The following DPP6 variants were observed in gnomAD, a reference collection of about 807,000 sequenced individuals.
DPP6 encodes dipeptidyl peptidase like 6.
In DPP6, 69 loss-of-function variants were observed where a neutral mutation model predicts 122.6. The observed-to-expected ratio is 0.56, with a 90% confidence interval of 0.46 to 0.69. The LOEUF (loss-of-function observed/expected upper bound fraction) is 0.69. Among genes scored for constraint, DPP6 ranks in the 30% least tolerant of loss-of-function variants. The pLI is 0.00. For synonymous variants in DPP6, 418 were observed against 433.1 expected, an observed-to-expected ratio of 0.97 and a Z score of 0.43; for missense variants, 928 against 1,116.9, an observed-to-expected ratio of 0.83 and a Z score of 2.41.
intron 17 of DPP6, among the ~76,000 whole-genome samples, chr7:154,857,394 C>G (rs1004264333): frequency 6.6e-6 from 1 of 152,166 alleles, no homozygotes; most frequent in African/African-American, 2.4e-5. Context: ...CATAGCTGCA[C>G]GAATGGCTTT....
chr7:154,682,474 C>T (rs930289142), intron 7 of DPP6, among the ~76,000 whole-genome samples: 7 of 152,206 alleles, frequency 4.6e-5, no homozygotes, highest in Non-Finnish European at 7.3e-5. Context: ...ACGCACTCTC[C>T]GGTTTGAAAT....
the DPP6 span, among the ~76,000 whole-genome samples, chr7:153,792,099 C>T: frequency 6.6e-6 from 1 of 152,228 alleles, no homozygotes; most frequent in Admixed American, 6.5e-5. Context: ...ACATACTACT[C>T]TTATTTATAA....
intron 1 of DPP6, among the ~76,000 whole-genome samples, chr7:153,906,678 T>C (rs10261158): frequency 0.81 from 123,085 of 152,196 alleles, 49,780 homozygotes; most frequent in Admixed American, 0.85. Flanking sequence ...TCTCAAACTC[T>C]CAGACTCAAG....
At chr7:154,004,318 G>C (rs1035380460) in intron 1 of DPP6, among the ~76,000 whole-genome samples, 2 of 152,226 alleles carry the variant, frequency 1.3e-5, no homozygotes, top group African/African-American at 4.8e-5. Flanking sequence ...TGGAGCCATA[G>C]GGGTGAGGAG....
chr7:154,153,164 G>A (rs113186139), intron 1 of DPP6, among the ~76,000 whole-genome samples: 3 of 152,180 alleles, frequency 2.0e-5, no homozygotes, highest in Non-Finnish European at 4.4e-5. Context: ...ACTCCCTGCC[G>A]CTTATACAAG....
intron 1 of DPP6, among the ~76,000 whole-genome samples, chr7:154,336,785 G>A (rs1046765303): frequency 6.6e-6 from 1 of 152,120 alleles, no homozygotes; most frequent in African/African-American, 2.4e-5. Flanking sequence ...GGAAGTGGTC[G>A]GAGTGGGGAA....
chr7:154,448,735 A>G (rs1271585804), intron 2 of DPP6, among the ~76,000 whole-genome samples: 2 of 152,226 alleles, frequency 1.3e-5, no homozygotes, highest in Non-Finnish European at 2.9e-5. Context: ...GGATCAATGG[A>G]ATAGAATTGA....
At chr7:154,547,549 G>A (rs1829295834) in intron 4 of DPP6, among the ~76,000 whole-genome samples, 1 of 152,160 alleles carries the variant, frequency 6.6e-6, no homozygotes, top group Non-Finnish European at 1.5e-5. Flanking sequence ...TAACCAGACT[G>A]GTCTCTGAGT....
In DPP6 at chr7:154,608,334, TA is replaced by T. The variant is rs1386194863; in HGVS notation, c.628-29486del. On this transcript the variant is annotated intron_variant, in intron 5 of 25. Transcript: ENST00000377770. Reference sequence around the variant, plus strand: ...TTAGGAGTGATCATATATATATATATATATATATTTTGAGATGGAATCTCGC... The same window carrying T: ...TTAGGAGTGATCATATATATATATATTATATATTTTGAGATGGAATCTCGC... 5.7e-5 allele frequency among the ~76,000 whole-genome samples: 7 copies of T among 122,312 alleles called. 1 individual carries two copies. Among genetic ancestry groups the T allele is most frequent in the African/African-American group, 1.8e-4 (6 of 33,618 alleles). 80.2% of individuals were successfully genotyped at this position (122,312 alleles called of 152,430 possible).
chr7:154,782,109 T>C (rs1797063872), intron 10 of DPP6, among the ~76,000 whole-genome samples: 1 of 152,134 alleles, frequency 6.6e-6, no homozygotes, highest in Non-Finnish European at 1.5e-5. Flanking sequence ...TGTGCTGAAG[T>C]TAGTGGCTTG....
At position 154,107,040 on chromosome 7, in the gene DPP6, A is replaced by G. The variant is rs375038363; in HGVS notation, c.243+53977A>G. Among the ~76,000 whole-genome samples the G allele has an allele frequency of 7.7e-4, 118 of 152,286 alleles. 2 individuals carry two copies. In the South Asian group the frequency reaches 0.023, roughly 30 times the overall value. ...AGTGTGGAGGTTCCTTAAAAAAAAA[A>G]TCCAAAATAGAATTACTGGATGATC... On this transcript the variant is annotated intron_variant, in intron 1 of 25. Coordinates refer to ENST00000377770, the MANE Select transcript of DPP6 (RefSeq NM_130797.4).
At position 153,900,157 on chromosome 7, in the gene DPP6, G is replaced by A. The variant is rs149750254; in HGVS notation, c.51+12423G>A. 3.0e-3 allele frequency among the ~76,000 whole-genome samples: 449 copies of A among 152,042 alleles called. 2 individuals are homozygous for A. The highest frequency in any genetic ancestry group is 9.9e-3 in the African/African-American group (412 of 41,468). On this transcript the variant is annotated intron_variant, in intron 1 of 25. Coordinates refer to the DPP6 transcript ENST00000404039. The stretch of plus-strand genomic sequence containing the variant: ...AATTTAGTTCTAAGTGTACCCATTC[G>A]CAAACTCTTTGTGGTGAAGTGCCAG...
chr7:154,229,642 T>G (rs1024212650), intron 1 of DPP6, among the ~76,000 whole-genome samples: 1 of 152,172 alleles, frequency 6.6e-6, no homozygotes, highest in Non-Finnish European at 1.5e-5. Flanking sequence ...AAACTCCTGA[T>G]TTTTGAGGGG....
intron 1 of DPP6, among the ~76,000 whole-genome samples, chr7:154,015,961 G>A (rs1266437940): frequency 6.6e-6 from 1 of 152,246 alleles, no homozygotes; most frequent in East Asian, 1.9e-4. Context: ...TGCACGCCCT[G>A]TTCCTCGGCC....
At chr7:154,856,620 A>G (rs3823527) in intron 17 of DPP6, among the ~76,000 whole-genome samples, 35,658 of 152,188 alleles carry the variant, frequency 0.23, 4,321 homozygotes, top group South Asian at 0.28. Context: ...CTGCTGGGAA[A>G]CAAAACAACC....
At chr7:154,864,266 A>G (rs1449036277) in intron 17 of DPP6, among the ~76,000 whole-genome samples, 1 of 152,164 alleles carries the variant, frequency 6.6e-6, no homozygotes, top group Non-Finnish European at 1.5e-5. Flanking sequence ...ATTTTCCAAA[A>G]TTTAGCACAG....
chr7:154,355,226 G>A (rs1811178435), intron 1 of DPP6, among the ~76,000 whole-genome samples: 1 of 152,044 alleles, frequency 6.6e-6, no homozygotes, highest in Non-Finnish European at 1.5e-5. Context: ...TGTTGTTATT[G>A]TATGGCTCCC....
chr7:154,845,220 C>T (rs771692969), intron 16 of DPP6, among the ~76,000 whole-genome samples: 7 of 152,148 alleles, frequency 4.6e-5, no homozygotes, highest in Non-Finnish European at 7.3e-5. Flanking sequence ...GACATGGCTT[C>T]GTGGCCCAAG....
At chr7:154,353,544 G>A (rs1459412192) in intron 1 of DPP6, among the ~76,000 whole-genome samples, 1 of 152,138 alleles carries the variant, frequency 6.6e-6, no homozygotes, top group African/African-American at 2.4e-5. Context: ...ATCTTTCCAT[G>A]TGTGTCTCTT....
Sources: gnomAD v4.1 joint callset for allele counts (sites outside exome capture counted in the v4.1 genomes callset) on GRCh38, gnomAD v4.1.1 for gene constraint, MANE v1.5 for transcripts, NCBI Gene and HGNC (gene_info 2026-07-23, HGNC 2026-07-21) for gene names.